Variants in PLEKHA6 observed in about 807,000 individuals in gnomAD.
PLEKHA6 encodes the protein pleckstrin homology domain-containing family A member 6.
PLEKHA6 carries 60 observed loss-of-function variants against 116.7 expected under a neutral mutation model. That is an observed-to-expected ratio of 0.51 (90% CI 0.42 to 0.64). PLEKHA6 has a LOEUF of 0.64. PLEKHA6 is among the 30% of genes least tolerant of loss of function. PLEKHA6 has a pLI of 0.00. For synonymous variants in PLEKHA6, 489 were observed against 556.1 expected (o/e 0.88, Z 1.70); for missense variants, 1,338 against 1,422.7 (o/e 0.94, Z 0.96).
chr1:204,248,981 G>T lies in PLEKHA6; in HGVS notation c.1675-11C>A. 6.2e-7 allele frequency: 1 copy of T among 1,613,350 alleles called. No individual in the cohort carries two copies. On this transcript the variant is annotated splice_polypyrimidine_tract_variant and intron_variant, in intron 11 of 22. Transcript: ENST00000272203. ...ACTTTCCAGGCTCTCCTGAAGAAAG[G>T]CAGGGGAATGACATGAGCAGCCCTG... is the stretch of plus-strand genomic sequence containing the variant.
chr1:204,297,827 G>C (rs911907200), intron 1 of PLEKHA6: 3 of 907,874 alleles, frequency 3.3e-6, no homozygotes, highest in African/African-American at 1.8e-5. Flanking sequence ...AGATCCAAAA[G>C]GATTTAGGGT....
chr1:204,238,505 T>C lies in PLEKHA6; in HGVS notation c.2409+2870A>G, dbSNP rs1324866651. 5.9e-5 allele frequency among the ~76,000 whole-genome samples: 9 copies of C among 152,176 alleles called. No homozygotes were observed. The highest frequency in any genetic ancestry group is 2.2e-4 in the African/African-American group (9 of 41,438). On this transcript the variant is annotated intron_variant, in intron 17 of 22. Coordinates refer to ENST00000272203, the MANE Select transcript of PLEKHA6 (RefSeq NM_014935.5). The surrounding 1 kb of genome is among the most constrained non-coding windows in gnomAD (Gnocchi z 4.2). Reference sequence around the variant, plus strand: ...AACTGCCTATCATGAACAGGGTGCTTTCTGACCCATCTAGCCATAAAGTGG... The same window carrying C: ...AACTGCCTATCATGAACAGGGTGCTCTCTGACCCATCTAGCCATAAAGTGG...
At chr1:204,341,150 A>G (rs1321521407) in intron 1 of PLEKHA6, among the ~76,000 whole-genome samples, 1 of 152,222 alleles carries the variant, frequency 6.6e-6, no homozygotes, top group Non-Finnish European at 1.5e-5. Context: ...GAAGATGTGT[A>G]CCAGGCCCCC....
rs1664151481 is a variant in PLEKHA6, at chr1:204,248,882, T to C, written c.1763A>G (p.Lys588Arg). The C allele has an allele frequency of 6.2e-7, 1 of 1,614,154 alleles. No individual in the cohort carries two copies. The highest frequency in any genetic ancestry group is 2.2e-5 in the East Asian group (1 of 44,880). ...QPAYPEKLRHKKDSLQNQLIN... is the reference protein window; with the variant it reads ...QPAYPEKLRHRKDSLQNQLIN... ...GAGCTGGTTCTGCAGTGAATCCTTT[T>C]TGTGTCGCAGCTTTTCTGGGTAGGC... is the stretch of plus-strand genomic sequence containing the variant. The change falls in exon 12 of 23, where the codon AAA becomes AGA. Residue 588 changes from lysine (K) to arginine (R), a missense_variant. Transcript: ENST00000272203.
At chr1:204,371,877 T>C in intron 1 of PLEKHA6, among the ~76,000 whole-genome samples, 1 of 152,310 alleles carries the variant, frequency 6.6e-6, no homozygotes, top group African/African-American at 2.4e-5. Context: ...CAATACAATA[T>C]GATAGGCACT....
At chr1:204,358,284 T>C (rs3125168) in intron 1 of PLEKHA6, among the ~76,000 whole-genome samples, 34,933 of 152,158 alleles carry the variant, frequency 0.23, 6,167 homozygotes, top group East Asian at 0.61. Context: ...GAGGGGTGCC[T>C]TCAGCCCCTC....
At chr1:204,293,913 T>C (rs1192476696) in intron 1 of PLEKHA6, among the ~76,000 whole-genome samples, 2 of 152,202 alleles carry the variant, frequency 1.3e-5, no homozygotes, top group African/African-American at 2.4e-5. Flanking sequence ...GAAAGAGACA[T>C]GATCCTGAAT....
chr1:204,301,883 A>C (rs1670859268), intron 1 of PLEKHA6, among the ~76,000 whole-genome samples: 1 of 152,054 alleles, frequency 6.6e-6, no homozygotes, highest in Admixed American at 6.6e-5. Context: ...CTTACTGATG[A>C]TTATTATGGA....
chr1:204,314,807 T>C (rs1256824272), intron 1 of PLEKHA6, among the ~76,000 whole-genome samples: 1 of 151,714 alleles, frequency 6.6e-6, no homozygotes, highest in Non-Finnish European at 1.5e-5. Context: ...CCCACAAGCT[T>C]TTCACAGGGA....
upstream of PLEKHA6, among the ~76,000 whole-genome samples, chr1:204,361,337 C>T (rs1344089182): frequency 3.3e-5 from 5 of 152,150 alleles, no homozygotes; most frequent in South Asian, 8.3e-4. Context: ...GAATGTGCAA[C>T]GGAAGGAACA....
chr1:204,356,000 CA>C (rs199652785), intron 1 of PLEKHA6, among the ~76,000 whole-genome samples: 111 of 47,736 alleles, frequency 2.3e-3, no homozygotes, highest in African/African-American at 3.5e-3. Context: ...CACACACACA[CA>C]AAAAAAATCC....
chr1:204,254,856 A>G (rs1187106825), intron 9 of PLEKHA6, among the ~76,000 whole-genome samples: 1 of 152,150 alleles, frequency 6.6e-6, no homozygotes, highest in Non-Finnish European at 1.5e-5. Flanking sequence ...ATCTAAACTT[A>G]AGAGTATGTG....
intron 1 of PLEKHA6, among the ~76,000 whole-genome samples, chr1:204,299,903 C>T (rs1264668588): frequency 2.6e-5 from 4 of 152,238 alleles, no homozygotes; most frequent in East Asian, 3.9e-4. Flanking sequence ...CCAGAGCAGC[C>T]GGCCCTTCTA....
At position 204,228,497 on chromosome 1, in the gene PLEKHA6, C is replaced by T. The variant is rs12760824; in HGVS notation, c.2885+231G>A. Among the ~76,000 whole-genome samples the T allele has an allele frequency of 0.17, 26,169 of 151,960 alleles. 2,487 individuals are homozygous for T. The highest frequency in any genetic ancestry group is 0.32 in the East Asian group (1,620 of 5,134). ...GGAAAAGAAGTCACCAGAGGGCGAG[C>T]CTTCAGTTTTGTCTCGATGGTGTGG... On this transcript the variant is annotated intron_variant, in intron 20 of 22. Transcript: ENST00000272203. The surrounding 1 kb of genome is among the most constrained non-coding windows in gnomAD (Gnocchi z 4.0).
At chr1:204,329,406 G>A (rs921722547) in intron 1 of PLEKHA6, among the ~76,000 whole-genome samples, 4 of 152,106 alleles carry the variant, frequency 2.6e-5, no homozygotes, top group African/African-American at 9.7e-5. Flanking sequence ...CCAGAGAAGG[G>A]CCTCTTTCCA....
At chr1:204,268,348 G>T in intron 3 of PLEKHA6, 36 bp from the exon 4 acceptor site, 2 of 1,467,634 alleles carry the variant, frequency 1.4e-6, no homozygotes, top group Non-Finnish European at 1.9e-6. Context: ...TAGGTCCCCA[G>T]TCTCCTCCTT....
chr1:204,272,096 C>T (rs555089267), intron 3 of PLEKHA6, among the ~76,000 whole-genome samples: 1 of 152,236 alleles, frequency 6.6e-6, no homozygotes, highest in East Asian at 1.9e-4. Flanking sequence ...TTTTCAAGCT[C>T]CCAGTCCCGC....
rs141649418 is a variant in PLEKHA6 at position 204,263,772 on chromosome 1, C to A, written c.381+1170G>T. Among the ~76,000 whole-genome samples the A allele has an allele frequency of 1.7e-3, 265 of 151,940 alleles. 1 individual carries two copies. Among genetic ancestry groups the A allele is most frequent in the African/African-American group, 6.0e-3 (250 of 41,420 alleles). Reference sequence around the variant, plus strand: ...TGTGTGTGTGTGTGTCTGTGTATAACAGGACTACTTGTTGTTGGTTAAACA... The same window carrying A: ...TGTGTGTGTGTGTGTCTGTGTATAAAAGGACTACTTGTTGTTGGTTAAACA... On this transcript the variant is annotated intron_variant, in intron 6 of 22. Coordinates refer to ENST00000272203, the MANE Select transcript of PLEKHA6 (RefSeq NM_014935.5).
intron 3 of PLEKHA6, among the ~76,000 whole-genome samples, chr1:204,272,055 G>A (rs1039639360): frequency 5.3e-5 from 8 of 151,884 alleles, no homozygotes; most frequent in African/African-American, 1.9e-4. Flanking sequence ...CCCTTCCCCG[G>A]ATTAAGAAAA....
Sources: gnomAD v4.1 joint callset for allele counts (sites outside exome capture counted in the v4.1 genomes callset) on GRCh38, gnomAD v4.1.1 for gene constraint, Gnocchi (gnomAD v3.1) non-coding constraint, MANE v1.5 for transcripts, NCBI Gene and HGNC (gene_info 2026-07-23, HGNC 2026-07-21) for gene names.